The following SGCZ variants were observed in gnomAD, a reference collection of about 807,000 sequenced individuals.
SGCZ encodes the protein zeta-sarcoglycan.
SGCZ carries 40 observed loss-of-function variants against 41.3 expected under a neutral mutation model. That is an observed-to-expected ratio of 0.97 (90% CI 0.75 to 1.26). The LOEUF is 1.26. Among genes scored for constraint, SGCZ ranks in the 50% most tolerant of loss-of-function variants. The probability of loss-of-function intolerance (pLI) is 0.00; values close to 1 mark genes in which losing one functional copy is unlikely to be tolerated. For synonymous variants in SGCZ, 206 were observed against 137.5 expected, an observed-to-expected ratio of 1.50 and a Z score of -3.49; for missense variants, 552 against 369.8, an observed-to-expected ratio of 1.49 and a Z score of -4.04.
At chr8:14,841,304 C>G (rs10503515) in intron 1 of SGCZ, among the ~76,000 whole-genome samples, 22,603 of 151,942 alleles carry the variant, frequency 0.15, 2,243 homozygotes, top group African/African-American at 0.25. Context: ...AAGAAGCTCT[C>G]AGGCTAACCT....
intron 4 of SGCZ, among the ~76,000 whole-genome samples, chr8:14,190,609 T>C (rs1400696701): frequency 2.0e-5 from 3 of 151,916 alleles, no homozygotes; most frequent in Admixed American, 2.0e-4. Flanking sequence ...TAATTTCTTT[T>C]TTTGTTTTTT....
At chr8:14,117,058 C>A (rs1802545013) in intron 5 of SGCZ, among the ~76,000 whole-genome samples, 1 of 151,892 alleles carries the variant, frequency 6.6e-6, no homozygotes, top group African/African-American at 2.4e-5. Context: ...TTAAAGGTTG[C>A]CATAATATCT....
intron 1 of SGCZ, among the ~76,000 whole-genome samples, chr8:14,560,975 TC>T (rs1435812370): frequency 6.6e-6 from 1 of 152,182 alleles, no homozygotes. Flanking sequence ...TAAATTGTCT[TC>T]ATCACAAAAT....
chr8:14,994,377 A>C (rs1802136065), intron 1 of SGCZ, among the ~76,000 whole-genome samples: 1 of 152,158 alleles, frequency 6.6e-6, no homozygotes, highest in African/African-American at 2.4e-5. Context: ...TGAGCTCAGG[A>C]GTTCGAAACC....
At chr8:14,481,706 G>A (rs571274652) in intron 2 of SGCZ, among the ~76,000 whole-genome samples, 9 of 151,666 alleles carry the variant, frequency 5.9e-5, no homozygotes, top group South Asian at 2.1e-4. Flanking sequence ...CTAGGAGAAT[G>A]GATTATTATC....
At chr8:14,394,567 G>A (rs750548485) in intron 2 of SGCZ, among the ~76,000 whole-genome samples, 2 of 152,010 alleles carry the variant, frequency 1.3e-5, no homozygotes, top group Non-Finnish European at 2.9e-5. Context: ...TTGGTTTTAC[G>A]AGCCTTTTCT....
At chr8:14,946,689 T>TG (rs1800460349) in intron 1 of SGCZ, among the ~76,000 whole-genome samples, 1 of 151,496 alleles carries the variant, frequency 6.6e-6, no homozygotes, top group Non-Finnish European at 1.5e-5. Flanking sequence ...TTTTTTTTTT[T>TG]TTTTGAGATC....
intron 2 of SGCZ, among the ~76,000 whole-genome samples, chr8:14,475,859 A>G (rs1801342613): frequency 6.6e-6 from 1 of 152,148 alleles, no homozygotes; most frequent in Admixed American, 6.5e-5. Flanking sequence ...TACTTAAGAC[A>G]GGGTCTGTCT....
rs1447664943 is a variant in SGCZ at position 14,087,314 on chromosome 8, TG to T, written c.*3128del. ...TTTTGTTGTTCTTGCTGTTTTTTTT[TG>T]AAGTATTTAATTGAAATCTTCTGAA... is the stretch of plus-strand genomic sequence containing the variant. On this transcript the variant is annotated 3_prime_UTR_variant, in exon 8 of 8. Transcript: ENST00000382080. 2.7e-5 allele frequency among the ~76,000 whole-genome samples: 4 copies of T among 148,862 alleles called. No homozygotes were observed. Among genetic ancestry groups the T allele is most frequent in the Admixed American group, 6.8e-5 (1 of 14,798 alleles).
At chr8:14,120,038 T>C (rs1338626701) in intron 5 of SGCZ, among the ~76,000 whole-genome samples, 1 of 152,126 alleles carries the variant, frequency 6.6e-6, no homozygotes, top group Non-Finnish European at 1.5e-5. Context: ...TCTGTGTGTG[T>C]CTCTGCCAGG....
intron 1 of SGCZ, among the ~76,000 whole-genome samples, chr8:14,987,488 A>T (rs1801862366): frequency 6.6e-6 from 1 of 151,906 alleles, no homozygotes; most frequent in Non-Finnish European, 1.5e-5. Flanking sequence ...GAAATATTGT[A>T]CTCACTGTAT....
At chr8:14,318,095 T>C (rs905908117) in intron 3 of SGCZ, among the ~76,000 whole-genome samples, 8 of 151,926 alleles carry the variant, frequency 5.3e-5, no homozygotes, top group South Asian at 2.1e-4. Context: ...AGAAAGGTTG[T>C]ATTTCAATTC....
At chr8:14,196,959 A>G (rs1394979851) in intron 4 of SGCZ, among the ~76,000 whole-genome samples, 7 of 152,164 alleles carry the variant, frequency 4.6e-5, no homozygotes, top group Admixed American at 4.6e-4. Flanking sequence ...GGCATATAGG[A>G]CAGGAAAATG....
At chr8:14,362,797 A>T (rs906101394) in intron 2 of SGCZ, among the ~76,000 whole-genome samples, 2 of 151,810 alleles carry the variant, frequency 1.3e-5, no homozygotes. Flanking sequence ...GGAGCTGTAG[A>T]CCGGAGCTGT....
intron 2 of SGCZ, among the ~76,000 whole-genome samples, chr8:14,421,527 C>T (rs961593195): frequency 3.3e-5 from 5 of 152,110 alleles, no homozygotes; most frequent in Non-Finnish European, 1.5e-5. Flanking sequence ...AATTCCTGGA[C>T]ATGTCTTATC....
At chr8:14,558,641 A>T (rs1226468621) in intron 1 of SGCZ, among the ~76,000 whole-genome samples, 3 of 151,316 alleles carry the variant, frequency 2.0e-5, no homozygotes, top group Non-Finnish European at 3.0e-5. Context: ...ATATGATGCC[A>T]GTATCACCCT....
intron 1 of SGCZ, among the ~76,000 whole-genome samples, chr8:15,040,284 T>A (rs1429101363): frequency 6.6e-6 from 1 of 152,206 alleles, no homozygotes; most frequent in Admixed American, 6.5e-5. Context: ...CATACATGAC[T>A]GATACATTAG....
chr8:14,162,310 T>C (rs112377680), intron 5 of SGCZ, among the ~76,000 whole-genome samples: 137 of 152,274 alleles, frequency 9.0e-4, no homozygotes, highest in African/African-American at 3.2e-3. Flanking sequence ...ATTAAATAAA[T>C]TTTTGATAAG....
chr8:14,313,910 CTGTGTGTGTGTGTGTGTG>C (rs34489718), intron 3 of SGCZ, among the ~76,000 whole-genome samples: 2 of 144,804 alleles, frequency 1.4e-5, no homozygotes, highest in East Asian at 2.1e-4. Flanking sequence ...TATCATCTCT[CTGTGTGTGTGTGTGTGTG>C]TGTGTGTGTG....
Sources: gnomAD v4.1 joint callset for allele counts (sites outside exome capture counted in the v4.1 genomes callset) on GRCh38, gnomAD v4.1.1 for gene constraint, MANE v1.5 for transcripts, NCBI Gene and HGNC (gene_info 2026-07-23, HGNC 2026-07-21) for gene names.